The following ZNF792 variants were observed in gnomAD, a reference collection of about 807,000 sequenced individuals.
ZNF792 encodes the protein zinc finger protein 792.
ZNF792 carries 14 observed loss-of-function variants against 13.1 expected under a neutral mutation model. The observed-to-expected ratio is 1.07, with a 90% confidence interval of 0.71 to 1.67. The LOEUF (loss-of-function observed/expected upper bound fraction) is 1.67. Ranked by LOEUF, ZNF792 falls within the 40% of genes most tolerant of loss-of-function variation. The pLI, the probability that ZNF792 is intolerant of heterozygous loss-of-function variation, is 0.00. For synonymous variants in ZNF792, 257 were observed against 292.0 expected, an observed-to-expected ratio of 0.88 and a Z score of 1.22; for missense variants, 740 against 807.9, an observed-to-expected ratio of 0.92 and a Z score of 1.02.
chr19:34,963,037 C>T (rs1240815807), intron 1 of ZNF792, among the ~76,000 whole-genome samples: 1 of 152,202 alleles, frequency 6.6e-6, no homozygotes, highest in African/African-American at 2.4e-5. Flanking sequence ...AGTCCTCACT[C>T]TGGTCCGGCC....
rs2013443910 is a variant in ZNF792 at position 34,957,169 on chromosome 19, G to T, written c.*787C>A. The stretch of plus-strand genomic sequence containing the variant: ...AAACAGCATCTGCTTTACAGTATTG[G>T]GGAATATGGGGCACCCCCTGGGAAT... On this transcript the variant is annotated 3_prime_UTR_variant, in exon 4 of 4. Transcript: ENST00000404801. 1 of 152,124 alleles carries T rather than the reference G, an allele frequency of 6.6e-6. No individual in the cohort carries two copies. Among genetic ancestry groups the T allele is most frequent in the Non-Finnish European group, 1.5e-5 (1 of 68,038 alleles). The allele number at this position is 152,124 out of a possible 1,614,324, so 9.4% of individuals were successfully genotyped here.
intron 1 of ZNF792, 30 bp downstream of exon 1, chr19:34,963,600 C>G (rs1463502105): frequency 6.3e-7 from 1 of 1,596,180 alleles, no homozygotes; most frequent in Non-Finnish European, 8.5e-7. Context: ...GGGGGGCCGA[C>G]AGCGAAGGGC....
chr19:34,959,330 A>T lies in ZNF792; in HGVS notation c.525T>A (p.Leu175=), dbSNP rs995012854. ...YVKGSEFSAN[L]PRKQVQQNVH... ...CGTTCTGCTGCACCTGTTTCCGGGGAAGGTTTGCACTGAACTCAGAGCCTT... is the reference window on the plus strand; with the variant it reads ...CGTTCTGCTGCACCTGTTTCCGGGGTAGGTTTGCACTGAACTCAGAGCCTT... The change falls in exon 4 of 4, where the codon CTT becomes CTA. Residue 175 remains leucine, a synonymous_variant. Transcript: ENST00000404801. The T allele has an allele frequency of 1.2e-6, 2 of 1,613,986 alleles. No homozygotes were observed. Among genetic ancestry groups the T allele is most frequent in the Non-Finnish European group, 1.7e-6 (2 of 1,179,914 alleles).
In ZNF792 at chr19:34,960,253, A is replaced by ACCAG. The variant is rs2013506130; in HGVS notation, c.264_265insCTGG (p.Tyr89LeufsTer8). ...TGCTTACCAGAGCCAGGCCTGCCAT[A>ACCAG]AGCCCCTCTGGCCATGGCTGATGTC... is the stretch of plus-strand genomic sequence containing the variant. On this transcript the variant is annotated frameshift_variant, in exon 3 of 4. Transcript: ENST00000404801. LOFTEE classifies it low-confidence loss of function (END_TRUNC). 1 of 1,613,852 alleles carries ACCAG rather than the reference A, an allele frequency of 6.2e-7. No individual in the cohort carries two copies. Among genetic ancestry groups the ACCAG allele is most frequent in the East Asian group, 2.2e-5 (1 of 44,870 alleles).
Position 34,960,961 on chromosome 19 carries a change from A to G in ZNF792, c.67T>C (p.Phe23Leu), listed in dbSNP as rs1568552931. Residue 23 changes from phenylalanine to leucine, a missense_variant, in exon 2 of 4, where the codon TTC becomes CTC. Phe to Leu is a conservative substitution (Grantham distance 22). Transcript: ENST00000404801. Reference protein sequence around the residue: ...CVTFEDVTIYFSQEEWVLLDE... With the variant: ...CVTFEDVTIYLSQEEWVLLDE... ...AGGAGCACCCACTCCTCCTGGGAGA[A>G]GTAAATGGTCACGTCCTCAAAGGTC... 2 of 1,613,940 alleles carry G rather than the reference A, an allele frequency of 1.2e-6. No individual in the cohort carries two copies. The highest frequency in any genetic ancestry group is 1.7e-6 in the Non-Finnish European group (2 of 1,179,896).
rs2013478803 is a variant in ZNF792, at chr19:34,958,833, C to A, written c.1022G>T (p.Gly341Val). 8.7e-6 allele frequency: 14 copies of A among 1,612,568 alleles called. No individual in the cohort carries two copies. Among genetic ancestry groups the A allele is most frequent in the Non-Finnish European group, 1.2e-5 (14 of 1,178,766 alleles). Residue 341 changes from glycine (G) to valine (V), a missense_variant, in exon 4 of 4, where the codon GGT becomes GTT. Transcript: ENST00000404801. ...TCGGCTGAAGAATTTCCCACAGTCA[C>A]CACACACGTGAGGGCTTTCACCGGT... ...VHTGESPHVCGDCGKFFSRSS... is the reference protein window; with the variant it reads ...VHTGESPHVCVDCGKFFSRSS...
At chr19:34,961,506 A>G (rs1370746855) in intron 1 of ZNF792, among the ~76,000 whole-genome samples, 2 of 151,896 alleles carry the variant, frequency 1.3e-5, no homozygotes, top group African/African-American at 2.4e-5. Flanking sequence ...AAACATAAGC[A>G]CCATCCCAGC....
chr19:34,959,185 C>G lies in ZNF792; in HGVS notation c.670G>C (p.Gly224Arg). 2 of 1,614,036 alleles carry G rather than the reference C, an allele frequency of 1.2e-6. No homozygotes were observed. The highest frequency in any genetic ancestry group is 1.7e-6 in the Non-Finnish European group (2 of 1,179,894). ...EGGKDFVATA[G>R]FLQCEVTPSD... ...GGAGTGACCTCACACTGCAGAAACC[C>G]TGCTGTGGCCACAAAGTCCTTCCCA... The change falls in exon 4 of 4, where the codon GGG becomes CGG. Residue 224 changes from glycine (G) to arginine (R), a missense_variant. Gly to Arg is a moderately radical substitution (Grantham distance 125). Transcript: ENST00000404801.
intron 1 of ZNF792, among the ~76,000 whole-genome samples, chr19:34,961,766 C>G (rs1308631831): frequency 6.6e-6 from 1 of 152,202 alleles, no homozygotes; most frequent in East Asian, 1.9e-4. Flanking sequence ...CCCCACCCAC[C>G]TAAGCCCAGC....
At position 34,963,982 on chromosome 19, in the gene ZNF792, A is replaced by C; in HGVS notation, c.-320T>G. 2 of 340,196 alleles carry C rather than the reference A, an allele frequency of 5.9e-6. No homozygotes were observed. Among genetic ancestry groups the C allele is most frequent in the Non-Finnish European group, 1.1e-5 (2 of 187,408 alleles). The allele number at this position is 340,196 out of a possible 1,614,324, so 21.1% of individuals were successfully genotyped here. A position where few individuals can be genotyped will look rare whatever the true frequency, so the allele number is the denominator to read the frequency against. ...CCGGGAAAGCCGGCGGGGCAGCTTC[A>C]CGGGCGTAGCCCCAGCCGCCCCGCC... On this transcript the variant is annotated 5_prime_UTR_variant, in exon 1 of 4. Transcript: ENST00000404801.
At chr19:34,961,192 G>C (rs2013523666) in intron 1 of ZNF792, among the ~76,000 whole-genome samples, 198 bp from the exon 2 acceptor site, 1 of 152,086 alleles carries the variant, frequency 6.6e-6, no homozygotes, top group Non-Finnish European at 1.5e-5. Flanking sequence ...TAAGCTCTGG[G>C]CCTGAAGTCC....
rs192732461 is a variant in ZNF792, at chr19:34,959,221, A to G, written c.634T>C (p.Cys212Arg). 1 of 1,613,900 alleles carries G rather than the reference A, an allele frequency of 6.2e-7. No individual in the cohort carries two copies. The highest frequency in any genetic ancestry group is 8.5e-7 in the Non-Finnish European group (1 of 1,179,898). The change falls in exon 4 of 4, where the codon TGC (cysteine) becomes CGC (arginine). Residue 212 changes from cysteine (C) to arginine (R), a missense_variant. Coordinates refer to ENST00000404801, the MANE Select transcript of ZNF792 (RefSeq NM_175872.5). ...ACAAAGTCCTTCCCACCCTCCCTGCAGGTGGAAAGCTGATCTGATGTGTGG... is the reference window on the plus strand; with the variant it reads ...ACAAAGTCCTTCCCACCCTCCCTGCGGGTGGAAAGCTGATCTGATGTGTGG... ...RDHTSDQLST[C>R]REGGKDFVAT... is the part of the protein sequence containing the mutation.
Position 34,963,910 on chromosome 19 carries a change from G to A in ZNF792, c.-248C>T, listed in dbSNP as rs556710842. ...CCCCCGTTGCAAGGGGTCACGGCTGGTGCAAAGGCGCGGAGGGGGTCCCGG... is the reference window on the plus strand; with the variant it reads ...CCCCCGTTGCAAGGGGTCACGGCTGATGCAAAGGCGCGGAGGGGGTCCCGG... On this transcript the variant is annotated 5_prime_UTR_variant, in exon 1 of 4. Transcript: ENST00000404801. The A allele has an allele frequency of 1.6e-4, 77 of 477,512 alleles. No individual in the cohort carries two copies. The South Asian group carries it at 2.7e-3, about 17-fold the overall frequency. 29.6% of individuals were successfully genotyped at this position (477,512 alleles called of 1,614,324 possible).
At chr19:34,961,157 A>C (rs569432103) in intron 1 of ZNF792, among the ~76,000 whole-genome samples, 163 bp from the exon 2 acceptor site, 15 of 152,182 alleles carry the variant, frequency 9.9e-5, no homozygotes, top group Admixed American at 2.6e-4. Context: ...CAGCAGCAAC[A>C]GGCAGGGTGC....
At chr19:34,960,519 G>A in intron 2 of ZNF792, 162 bp from the exon 3 acceptor site, 2 of 894,030 alleles carry the variant, frequency 2.2e-6, no homozygotes, top group Non-Finnish European at 3.3e-6. Flanking sequence ...GTCAGGCTTA[G>A]GAAATATTAG....
In ZNF792 at chr19:34,957,769, T is replaced by C. The variant is rs139986757; in HGVS notation, c.*187A>G. ...ACTACTCCTAATTCCCTTTAGGGAT[T>C]GGAAAGAGAGAGGAGAGGTCTGCCT... On this transcript the variant is annotated 3_prime_UTR_variant, in exon 4 of 4. Transcript: ENST00000404801. 1,406 of 590,332 alleles carry C rather than the reference T, an allele frequency of 2.4e-3. 11 individuals are homozygous for C. The highest frequency in any genetic ancestry group is 0.013 in the South Asian group (498 of 38,152). 36.6% of individuals were successfully genotyped at this position (590,332 alleles called of 1,614,324 possible). A position where few individuals can be genotyped will look rare whatever the true frequency, so the allele number is the denominator to read the frequency against.
At position 34,958,109 on chromosome 19, in the gene ZNF792, C is replaced by T; in HGVS notation, c.1746G>A (p.Lys582=). 1 of 1,613,076 alleles carries T rather than the reference C, an allele frequency of 6.2e-7. No individual in the cohort carries two copies. The highest frequency in any genetic ancestry group is 1.1e-5 in the South Asian group (1 of 90,904). The change falls in exon 4 of 4, where the codon AAG becomes AAA. Residue 582 remains lysine, a synonymous_variant. Transcript: ENST00000404801. ...NQRPTLIRHQ[K]IHIRERSMEN... ...CCATGCTCCTTTCTCTGATGTGAATCTTCTGATGCCGAATGAGGGTAGGCC... is the reference window on the plus strand; with the variant it reads ...CCATGCTCCTTTCTCTGATGTGAATTTTCTGATGCCGAATGAGGGTAGGCC...
At position 34,963,836 on chromosome 19, in the gene ZNF792, C is replaced by T. The variant is rs555763730; in HGVS notation, c.-174G>A. 3.6e-4 allele frequency: 264 copies of T among 728,834 alleles called. No homozygotes were observed. In the African/African-American group the frequency reaches 4.5e-3, roughly 12 times the overall value. 45.1% of individuals were successfully genotyped at this position (728,834 alleles called of 1,614,324 possible). A position where few individuals can be genotyped will look rare whatever the true frequency, so the allele number is the denominator to read the frequency against. On this transcript the variant is annotated 5_prime_UTR_variant, in exon 1 of 4. Coordinates refer to ENST00000404801, the MANE Select transcript of ZNF792 (RefSeq NM_175872.5). ...CCCCCGTGCAAAATGCGCAAGGGGC[C>T]CGGGGCGCAGGCTCCGGGGGCGCCG...
rs2013437134 is a variant in ZNF792 at position 34,956,759 on chromosome 19, A to G, written c.*1197T>C. 2 of 152,202 alleles carry G rather than the reference A, an allele frequency of 1.3e-5. No individual in the cohort carries two copies. The highest frequency in any genetic ancestry group is 4.8e-5 in the African/African-American group (2 of 41,442). 9.4% of individuals were successfully genotyped at this position (152,202 alleles called of 1,614,324 possible). A position where few individuals can be genotyped will look rare whatever the true frequency, so the allele number is the denominator to read the frequency against. On this transcript the variant is annotated 3_prime_UTR_variant, in exon 4 of 4. Coordinates refer to ENST00000404801, the MANE Select transcript of ZNF792 (RefSeq NM_175872.5). Reference sequence around the variant, plus strand: ...TCATAGATACTACAGTCCCTATAGTATAGGATCTGCTTTTTCTCAGTCCCT... The same window carrying G: ...TCATAGATACTACAGTCCCTATAGTGTAGGATCTGCTTTTTCTCAGTCCCT...
Sources: gnomAD v4.1 joint callset for allele counts (sites outside exome capture counted in the v4.1 genomes callset) on GRCh38, gnomAD v4.1.1 for gene constraint, MANE v1.5 for transcripts, NCBI Gene and HGNC (gene_info 2026-07-23, HGNC 2026-07-21) for gene names.